Variants in DUS4L observed in about 807,000 individuals in gnomAD.
The protein encoded by DUS4L is tRNA-dihydrouridine(20a/20b) synthase [NAD(P)+]-like.
DUS4L carries 31 observed loss-of-function variants against 33.8 expected under a neutral mutation model. The observed-to-expected ratio is 0.92, with a 90% CI of 0.69 to 1.24. DUS4L has a LOEUF of 1.24. Among genes scored for constraint, DUS4L ranks in the 50% most tolerant of loss-of-function variants. The pLI, the probability that DUS4L is intolerant of heterozygous loss-of-function variation, is 0.00. For missense variants in DUS4L, 368 were observed against 388.6 expected (o/e 0.95, Z 0.45); for synonymous variants, 103 against 120.3 (o/e 0.86, Z 0.94).
At position 107,571,477 on chromosome 7, in the gene DUS4L, C is replaced by G. The variant is rs186056160; in HGVS notation, c.238+211C>G. ...AAGTGTAAGGTCACTTTGAAACCCT[C>G]TCCTCTCACTAGGGCTACTAGAGTA... On this transcript the variant is annotated intron_variant, in intron 4 of 7. Coordinates refer to ENST00000265720, the MANE Select transcript of DUS4L (RefSeq NM_181581.3). Among the ~76,000 whole-genome samples, 24 of 152,320 alleles carry G rather than the reference C, an allele frequency of 1.6e-4. No individual in the cohort carries two copies. The East Asian group carries it at 3.9e-3, about 24-fold the overall frequency.
chr7:107,567,858 T>C, intron 3 of DUS4L: 1 of 387,306 alleles, frequency 2.6e-6, no homozygotes, highest in Non-Finnish European at 5.1e-6. Flanking sequence ...TGAACTTCAC[T>C]ACTCTAGGTA....
Position 107,564,147 on chromosome 7 carries a change from G to T in DUS4L, c.-173G>T. The T allele has an allele frequency of 1.3e-6, 1 of 769,812 alleles. No individual in the cohort carries two copies. Among genetic ancestry groups the T allele is most frequent in the Non-Finnish European group, 2.1e-6 (1 of 481,134 alleles). The allele number at this position is 769,812 out of a possible 1,614,324, so 47.7% of individuals were successfully genotyped here. ...GGCCGTCGGGCCGGCGCTTTCAGCT[G>T]TCTCTCGCAGCAGCTCAGGGCCGCG... On this transcript the variant is annotated 5_prime_UTR_variant, in exon 1 of 8. Transcript: ENST00000265720.
chr7:107,573,340 AAGGAACACT>A (rs1275167587), intron 4 of DUS4L, among the ~76,000 whole-genome samples: 3 of 152,230 alleles, frequency 2.0e-5, no homozygotes, highest in Non-Finnish European at 2.9e-5. Flanking sequence ...TGAGGAAAGA[AAGGAACACT>A]AGGCACAGTG....
In DUS4L at chr7:107,577,552, G is replaced by A; in HGVS notation, c.946G>A (p.Gly316Ser). The stretch of plus-strand genomic sequence containing the variant: ...CATAGATTACCTTACAGACCATTAT[G>A]GCATTTGACTAGACTTCCCAAATAA... ...AIIDYLTDHY[G>S]I Residue 316 changes from glycine to serine, a missense_variant, in exon 8 of 8, where the codon GGC (glycine) becomes AGC (serine). Coordinates refer to ENST00000265720, the MANE Select transcript of DUS4L (RefSeq NM_181581.3). 1 of 1,612,650 alleles carries A rather than the reference G, an allele frequency of 6.2e-7. No individual in the cohort carries two copies. The highest frequency in any genetic ancestry group is 8.5e-7 in the Non-Finnish European group (1 of 1,179,272).
intron 2 of DUS4L, among the ~76,000 whole-genome samples, chr7:107,566,541 C>G: frequency 6.6e-6 from 1 of 152,138 alleles, no homozygotes; most frequent in East Asian, 1.9e-4. Flanking sequence ...TGTTTATCTT[C>G]TGATTCACAG....
At chr7:107,574,865 TA>T (rs1805587800) in intron 5 of DUS4L, 2 of 342,632 alleles carry the variant, frequency 5.8e-6, no homozygotes, top group East Asian at 1.8e-4. Context: ...TTATGCACAA[TA>T]AACATCAAAT....
At chr7:107,571,813 T>C (rs1563113056) in intron 4 of DUS4L, among the ~76,000 whole-genome samples, 1 of 152,200 alleles carries the variant, frequency 6.6e-6, no homozygotes, top group Non-Finnish European at 1.5e-5. Flanking sequence ...ACACAGTTTT[T>C]CATAATCTGA....
At position 107,564,121 on chromosome 7, in the gene DUS4L, A is replaced by G; in HGVS notation, c.-199A>G. On this transcript the variant is annotated 5_prime_UTR_variant, in exon 1 of 8. Transcript: ENST00000265720. ...TGCGCCCAGCGCACCGAGGGAGCCA[A>G]GGCCGTCGGGCCGGCGCTTTCAGCT... 1 of 1,030,996 alleles carries G rather than the reference A, an allele frequency of 9.7e-7. No homozygotes were observed. The highest frequency in any genetic ancestry group is 1.4e-6 in the Non-Finnish European group (1 of 708,848). The allele number at this position is 1,030,996 out of a possible 1,614,324, so 63.9% of individuals were successfully genotyped here. A position where few individuals can be genotyped will look rare whatever the true frequency, so the allele number is the denominator to read the frequency against.
chr7:107,569,284 T>A (rs1487120754), intron 3 of DUS4L, among the ~76,000 whole-genome samples: 2 of 152,264 alleles, frequency 1.3e-5, no homozygotes, highest in Admixed American at 1.3e-4. Context: ...TTCTGTTTTG[T>A]TCCATTGATC....
chr7:107,573,660 G>T (rs1162794489), intron 4 of DUS4L, 44 bp from the exon 5 acceptor site: 2 of 1,584,038 alleles, frequency 1.3e-6, no homozygotes, highest in Non-Finnish European at 1.7e-6. Flanking sequence ...TGTGCATGGG[G>T]TTTTTTCCTG....
At chr7:107,572,225 T>C (rs1805313646) in intron 4 of DUS4L, among the ~76,000 whole-genome samples, 1 of 152,176 alleles carries the variant, frequency 6.6e-6, no homozygotes, top group Admixed American at 6.5e-5. Context: ...GGAAATATAT[T>C]AGACCAATAA....
Position 107,563,986 on chromosome 7 carries a change from C to T in DUS4L, c.-334C>T, listed in dbSNP as rs1010594801. The T allele has an allele frequency of 5.7e-6, 9 of 1,568,058 alleles. No homozygotes were observed. In the Admixed American group the frequency reaches 7.5e-5, roughly 13 times the overall value. ...TCCCGGCGCCGCCCGCCCACCCAGCCCATGGCTCCAGGCCCACCTGGCGAA... is the reference window on the plus strand; with the variant it reads ...TCCCGGCGCCGCCCGCCCACCCAGCTCATGGCTCCAGGCCCACCTGGCGAA... On this transcript the variant is annotated 5_prime_UTR_variant, in exon 1 of 8. Coordinates refer to ENST00000265720, the MANE Select transcript of DUS4L (RefSeq NM_181581.3).
At chr7:107,564,923 T>C (rs1804470019) in intron 2 of DUS4L, among the ~76,000 whole-genome samples, 1 of 152,202 alleles carries the variant, frequency 6.6e-6, no homozygotes, top group African/African-American at 2.4e-5. Context: ...TTCAAAAAGG[T>C]GCTATTACTT....
At chr7:107,571,330 C>T in intron 4 of DUS4L, 64 bp downstream of exon 4, 1 of 1,548,564 alleles carries the variant, frequency 6.5e-7, no homozygotes, top group Non-Finnish European at 8.7e-7. Flanking sequence ...ACTCAACTAT[C>T]TTATCAGAAA....
rs1010835258 is a variant in DUS4L at position 107,578,395 on chromosome 7, C to T, written c.*835C>T. 1.3e-5 allele frequency: 2 copies of T among 152,048 alleles called. No homozygotes were observed. Among genetic ancestry groups the T allele is most frequent in the African/African-American group, 4.8e-5 (2 of 41,394 alleles). The allele number at this position is 152,048 out of a possible 1,614,324, so 9.4% of individuals were successfully genotyped here. On this transcript the variant is annotated 3_prime_UTR_variant, in exon 8 of 8. Transcript: ENST00000265720. Reference sequence around the variant, plus strand: ...CACTGCAAGAATTAAGTATCTCAGACTGAAATAAAACCGTTCATAATTAAA... The same window carrying T: ...CACTGCAAGAATTAAGTATCTCAGATTGAAATAAAACCGTTCATAATTAAA...
At chr7:107,567,333 C>G in intron 3 of DUS4L, 147 bp downstream of exon 3, 1 of 648,496 alleles carries the variant, frequency 1.5e-6, no homozygotes, top group Non-Finnish European at 2.7e-6. Flanking sequence ...CATGATGCTA[C>G]TACTTGCCTA....
chr7:107,575,592 A>G (rs1368888965), intron 6 of DUS4L: 2 of 208,036 alleles, frequency 9.6e-6, no homozygotes, highest in African/African-American at 4.6e-5. Flanking sequence ...GTTAAGAAAC[A>G]TTACTGGTGC....
intron 6 of DUS4L, among the ~76,000 whole-genome samples, chr7:107,575,917 T>C (rs1186198216): frequency 6.6e-6 from 1 of 152,230 alleles, no homozygotes; most frequent in Non-Finnish European, 1.5e-5. Flanking sequence ...AGTCCTGAGC[T>C]CCTGGCCTCA....
intron 4 of DUS4L, among the ~76,000 whole-genome samples, chr7:107,573,154 A>G (rs1805415781): frequency 6.6e-6 from 1 of 152,240 alleles, no homozygotes; most frequent in Non-Finnish European, 1.5e-5. Flanking sequence ...ATAATTCTGT[A>G]ATATCTATCA....
Sources: gnomAD v4.1 joint callset for allele counts (sites outside exome capture counted in the v4.1 genomes callset) on GRCh38, gnomAD v4.1.1 for gene constraint, MANE v1.5 for transcripts, NCBI Gene and HGNC (gene_info 2026-07-23, HGNC 2026-07-21) for gene names.